Variants in AGBL4 observed in about 807,000 individuals in gnomAD.
AGBL4 encodes cytosolic carboxypeptidase 6.
AGBL4 carries 58 observed loss-of-function variants against 66.4 expected under a neutral mutation model. That is an observed-to-expected ratio of 0.87 (90% CI 0.71 to 1.09). The LOEUF is 1.09. AGBL4 is among the 50% of genes least tolerant of loss of function. The probability of loss-of-function intolerance (pLI) is 0.00; values close to 1 mark genes in which losing one functional copy is unlikely to be tolerated. For missense variants in AGBL4, 579 were observed against 631.0 expected (o/e 0.92, Z 0.88); for synonymous variants, 234 against 222.9 (o/e 1.05, Z -0.44).
chr1:49,197,189 ACT>A (rs1647302809), intron 4 of AGBL4, among the ~76,000 whole-genome samples: 1 of 152,038 alleles, frequency 6.6e-6, no homozygotes, highest in South Asian at 2.1e-4. Context: ...GTGGCAAAGA[ACT>A]CTGTATAATT....
chr1:49,701,907 T>A (rs1647101790), intron 2 of AGBL4, among the ~76,000 whole-genome samples: 2 of 152,218 alleles, frequency 1.3e-5, no homozygotes, highest in African/African-American at 2.4e-5. Flanking sequence ...ACTATACTTA[T>A]ATCAGACAAC....
chr1:49,230,342 C>G (rs1468026713), intron 4 of AGBL4, among the ~76,000 whole-genome samples: 1 of 152,152 alleles, frequency 6.6e-6, no homozygotes, highest in African/African-American at 2.4e-5. Context: ...TCTCTCCTTC[C>G]CCTTCTCCCT....
At chr1:48,770,612 C>T (rs1644767119) in intron 6 of AGBL4, among the ~76,000 whole-genome samples, 1 of 152,188 alleles carries the variant, frequency 6.6e-6, no homozygotes, top group Non-Finnish European at 1.5e-5. Flanking sequence ...TCTTCTGAAC[C>T]TCAGACCACA....
chr1:49,943,960 T>C (rs1320053016), intron 1 of AGBL4, among the ~76,000 whole-genome samples: 5 of 151,304 alleles, frequency 3.3e-5, no homozygotes, highest in Non-Finnish European at 7.4e-5. Context: ...ATTGTGGGAG[T>C]AAGACCAGTC....
At chr1:48,864,893 T>A (rs1273997494) in intron 6 of AGBL4, among the ~76,000 whole-genome samples, 1 of 151,862 alleles carries the variant, frequency 6.6e-6, no homozygotes, top group Admixed American at 6.6e-5. Context: ...AGCCAAGGGG[T>A]TGGCATGGGG....
At chr1:49,666,645 A>T (rs1205199994) in intron 3 of AGBL4, among the ~76,000 whole-genome samples, 1 of 152,062 alleles carries the variant, frequency 6.6e-6, no homozygotes, top group Non-Finnish European at 1.5e-5. Flanking sequence ...TCCTTACATA[A>T]TTACCACTTA....
At chr1:48,748,196 A>G (rs1383912896) in intron 6 of AGBL4, among the ~76,000 whole-genome samples, 1 of 152,184 alleles carries the variant, frequency 6.6e-6, no homozygotes, top group East Asian at 1.9e-4. Flanking sequence ...GAGACTAGGG[A>G]AGATGCCTCC....
chr1:48,977,089 G>A (rs1322336843), intron 5 of AGBL4, among the ~76,000 whole-genome samples: 1 of 152,000 alleles, frequency 6.6e-6, no homozygotes, highest in Non-Finnish European at 1.5e-5. Flanking sequence ...TTTTGAATGA[G>A]TGATGAATGA....
chr1:49,607,491 T>A (rs1477837444), intron 3 of AGBL4, among the ~76,000 whole-genome samples: 1 of 152,164 alleles, frequency 6.6e-6, no homozygotes, highest in Non-Finnish European at 1.5e-5. Context: ...TATCTGGAGT[T>A]TTCTGCCCTT....
chr1:49,596,662 A>G (rs994733881), intron 3 of AGBL4, among the ~76,000 whole-genome samples: 12 of 152,354 alleles, frequency 7.9e-5, no homozygotes, highest in African/African-American at 2.9e-4. Context: ...ATTTACAATG[A>G]AAGTGAAAAA....
chr1:48,891,725 C>T (rs1390875907), intron 5 of AGBL4, among the ~76,000 whole-genome samples: 1 of 152,186 alleles, frequency 6.6e-6, no homozygotes, highest in African/African-American at 2.4e-5. Context: ...TTTCCTAGTA[C>T]AGGCACTACA....
intron 10 of AGBL4, among the ~76,000 whole-genome samples, chr1:48,588,827 G>C (rs979761144): frequency 6.7e-6 from 1 of 149,980 alleles, no homozygotes; most frequent in Non-Finnish European, 1.5e-5. Flanking sequence ...GAAGAGAAGA[G>C]AAGAGAAGAG....
chr1:49,546,762 T>C (rs1652523798), intron 3 of AGBL4, among the ~76,000 whole-genome samples: 1 of 152,230 alleles, frequency 6.6e-6, no homozygotes. Flanking sequence ...TCATTAGTCA[T>C]ATTGTGCATT....
intron 3 of AGBL4, among the ~76,000 whole-genome samples, chr1:49,443,208 C>T (rs1396466504): frequency 1.3e-5 from 2 of 151,996 alleles, no homozygotes; most frequent in East Asian, 3.8e-4. Flanking sequence ...AATATTTTCT[C>T]CTGTTCAGCA....
intron 7 of AGBL4, among the ~76,000 whole-genome samples, chr1:48,656,529 C>T (rs6674328): frequency 0.12 from 18,755 of 152,182 alleles, 2,306 homozygotes; most frequent in African/African-American, 0.32. Flanking sequence ...CTGATGGGAA[C>T]AGCACATAGC....
Position 49,245,799 on chromosome 1 carries a change from A to C in AGBL4, c.348T>G (p.Pro116=). 6.5e-7 allele frequency: 1 copy of C among 1,549,736 alleles called. No homozygotes were observed. The highest frequency in any genetic ancestry group is 1.2e-5 in the South Asian group (1 of 83,966). ...TKSLYRDGMA[P]MVKSTSRPKW... is the part of the protein sequence containing the mutation. ...TTGGTCTGCTGGTAGATTTCACCAT[A>C]GGGGCCATCCCATCTCTATAGAGAC... The change falls in exon 4 of 14, where the codon CCT becomes CCG. Residue 116 remains proline, a synonymous_variant. Coordinates refer to ENST00000371839, the MANE Select transcript of AGBL4 (RefSeq NM_032785.4).
At chr1:49,509,727 T>G (rs1262665346) in intron 3 of AGBL4, among the ~76,000 whole-genome samples, 1 of 152,046 alleles carries the variant, frequency 6.6e-6, no homozygotes, top group Non-Finnish European at 1.5e-5. Context: ...TCAATTTTTC[T>G]GCTTACAACC....
At chr1:49,572,980 G>A (rs545662024) in intron 3 of AGBL4, among the ~76,000 whole-genome samples, 1 of 152,252 alleles carries the variant, frequency 6.6e-6, no homozygotes, top group Non-Finnish European at 1.5e-5. Context: ...CATGCTGGAG[G>A]CTTCTTGCCC....
In AGBL4 at chr1:48,594,527, T is replaced by C. The variant is rs1054174022; in HGVS notation, c.952-3542A>G. ...ACTTTTGTCATTTGTCTTTCTATTT[T>C]ACTTCTGTTCATGTATTTTTCATGT... is the stretch of plus-strand genomic sequence containing the variant. On this transcript the variant is annotated intron_variant, in intron 9 of 13. Coordinates refer to ENST00000371839, the MANE Select transcript of AGBL4 (RefSeq NM_032785.4). Among the ~76,000 whole-genome samples the C allele has an allele frequency of 2.4e-4, 37 of 152,328 alleles. 1 individual carries two copies. Among genetic ancestry groups the C allele is most frequent in the African/African-American group, 8.7e-4 (36 of 41,578 alleles).
Sources: allele counts gnomAD v4.1 joint callset (sites outside exome capture counted in the v4.1 genomes callset), GRCh38; gene constraint gnomAD v4.1.1; transcripts MANE v1.5; gene names NCBI Gene and HGNC (gene_info 2026-07-23, HGNC 2026-07-21).